SLC49A4: variants seen among roughly 807,000 people sequenced by gnomAD.
SLC49A4 encodes disrupted in renal cancer protein 2.
Under a neutral mutation model 50.6 loss-of-function variants are expected in SLC49A4, and 36 were observed. That is an observed-to-expected ratio of 0.71 (90% CI 0.55 to 0.94). The LOEUF (loss-of-function observed/expected upper bound fraction) is 0.94. SLC49A4 is among the 40% of genes least tolerant of loss of function. The pLI is 0.00. For synonymous variants in SLC49A4, 248 were observed against 241.2 expected (o/e 1.03, Z -0.26); for missense variants, 503 against 605.7 (o/e 0.83, Z 1.78).
chr3:122,833,094 A>G (rs1471629919), intron 3 of SLC49A4, among the ~76,000 whole-genome samples: 1 of 152,078 alleles, frequency 6.6e-6, no homozygotes, highest in Admixed American at 6.6e-5. Context: ...AATAAAAATT[A>G]GCCTGGTATG....
chr3:122,801,729 G>T (rs1233215122), intron 1 of SLC49A4, among the ~76,000 whole-genome samples: 1 of 152,198 alleles, frequency 6.6e-6, no homozygotes, highest in Admixed American at 6.5e-5. Context: ...TCAGAGATCT[G>T]AGAGACCAGC....
At chr3:122,836,594 G>A (rs1177626619) in intron 4 of SLC49A4, among the ~76,000 whole-genome samples, 1 of 152,102 alleles carries the variant, frequency 6.6e-6, no homozygotes, top group East Asian at 1.9e-4. Context: ...TTGAACCTCT[G>A]GTAGAATTCG....
chr3:122,846,894 C>T (rs556986102), intron 5 of SLC49A4, among the ~76,000 whole-genome samples: 1 of 152,240 alleles, frequency 6.6e-6, no homozygotes, highest in Admixed American at 6.5e-5. Context: ...GAAGAGGGCT[C>T]CCCAGAGGAC....
intron 4 of SLC49A4, among the ~76,000 whole-genome samples, chr3:122,843,397 T>TC (rs1454534428): frequency 3.9e-5 from 6 of 152,310 alleles, no homozygotes; most frequent in African/African-American, 1.4e-4. Context: ...AGATGACAAC[T>TC]CCATTTCATC....
intron 3 of SLC49A4, among the ~76,000 whole-genome samples, chr3:122,829,334 A>G (rs764082699): frequency 1.3e-5 from 2 of 152,254 alleles, no homozygotes; most frequent in Non-Finnish European, 2.9e-5. Flanking sequence ...GGGAAAAAAC[A>G]TGATCATCTT....
At chr3:122,839,242 T>C (rs1356057546) in intron 4 of SLC49A4, among the ~76,000 whole-genome samples, 1 of 151,898 alleles carries the variant, frequency 6.6e-6, no homozygotes, top group Non-Finnish European at 1.5e-5. Flanking sequence ...AAAAATAAAC[T>C]CAAGATGCAT....
intron 7 of SLC49A4, among the ~76,000 whole-genome samples, chr3:122,864,245 G>T (rs999583435): frequency 6.6e-6 from 1 of 152,122 alleles, no homozygotes; most frequent in Non-Finnish European, 1.5e-5. Context: ...ATTTAAAATT[G>T]CATTATGTCT....
intron 4 of SLC49A4, among the ~76,000 whole-genome samples, chr3:122,843,594 A>T (rs74383722): frequency 6.6e-6 from 1 of 152,186 alleles, no homozygotes; most frequent in East Asian, 1.9e-4. Context: ...CACACATTGC[A>T]ATTGGTCCAA....
rs377194892 is a variant in SLC49A4 at position 122,795,155 on chromosome 3, A to C, written c.-38A>C. 2.3e-4 allele frequency: 302 copies of C among 1,307,910 alleles called. 2 individuals carry two copies. The South Asian group carries it at 2.8e-3, about 12-fold the overall frequency. The allele number at this position is 1,307,910 out of a possible 1,614,324, so 81.0% of individuals were successfully genotyped here. ...GCTGGGCTAGTCGGCGGTGACCCGG[A>C]CTGCGCCCGGCAGTGGCTTCGCGGG... On this transcript the variant is annotated 5_prime_UTR_variant, in exon 1 of 9. Coordinates refer to ENST00000261038, the MANE Select transcript of SLC49A4 (RefSeq NM_032839.3).
intron 4 of SLC49A4, among the ~76,000 whole-genome samples, 166 bp downstream of exon 4, chr3:122,833,612 A>G (rs1936637071): frequency 6.6e-6 from 1 of 152,226 alleles, no homozygotes; most frequent in South Asian, 2.1e-4. Flanking sequence ...CCAGAAATCT[A>G]TCTTGAAAAA....
intron 7 of SLC49A4, among the ~76,000 whole-genome samples, chr3:122,871,805 G>A (rs1937199812): frequency 6.6e-6 from 1 of 151,984 alleles, no homozygotes; most frequent in Non-Finnish European, 1.5e-5. Context: ...GACTTTTTAT[G>A]GTTTGATTGG....
At chr3:122,817,049 T>A (rs893852065) in intron 2 of SLC49A4, among the ~76,000 whole-genome samples, 2 of 152,244 alleles carry the variant, frequency 1.3e-5, no homozygotes, top group Non-Finnish European at 1.5e-5. Flanking sequence ...AAGACCATTT[T>A]GTATCCTCAT....
At chr3:122,829,137 T>C (rs1936577314) in intron 3 of SLC49A4, among the ~76,000 whole-genome samples, 2 of 152,204 alleles carry the variant, frequency 1.3e-5, no homozygotes, top group South Asian at 4.1e-4. Flanking sequence ...AAAAGTAAAC[T>C]ACAGATCCAA....
Position 122,860,141 on chromosome 3 carries a change from G to A in SLC49A4, c.1077G>A (p.Leu359=), listed in dbSNP as rs761796120. The stretch of plus-strand genomic sequence containing the variant: ...TCCTCCTGTTTTCGGGAGCTACACT[G>A]TCATCCACGTGGTTCACCCTGACCT... ...ILLLLFSGAT[L]SSTWFTLTCL... is the part of the protein sequence containing the mutation. Residue 359 remains leucine (L), a synonymous_variant, in exon 7 of 9, where the codon CTG becomes CTA. Coordinates refer to ENST00000261038, the MANE Select transcript of SLC49A4 (RefSeq NM_032839.3). The A allele has an allele frequency of 6.2e-7, 1 of 1,613,308 alleles. No homozygotes were observed. Among genetic ancestry groups the A allele is most frequent in the African/African-American group, 1.3e-5 (1 of 74,876 alleles).
chr3:122,843,536 A>G (rs1936804439), intron 4 of SLC49A4, among the ~76,000 whole-genome samples: 1 of 152,252 alleles, frequency 6.6e-6, no homozygotes, highest in Admixed American at 6.5e-5. Flanking sequence ...ATTTTCAATT[A>G]TCTCATAAAC....
At chr3:122,804,124 C>T (rs1381124458) in intron 1 of SLC49A4, among the ~76,000 whole-genome samples, 1 of 152,214 alleles carries the variant, frequency 6.6e-6, no homozygotes, top group Admixed American at 6.5e-5. Flanking sequence ...GGCATTCACT[C>T]ATCATCCAGG....
In SLC49A4 at chr3:122,847,657, T is replaced by TA. The variant is rs1232790844; in HGVS notation, c.942+1794dup. Among the ~76,000 whole-genome samples, 11 of 151,784 alleles carry TA rather than the reference T, an allele frequency of 7.2e-5. No individual in the cohort carries two copies. The East Asian group carries it at 1.5e-3, about 21-fold the overall frequency. Reference sequence around the variant, plus strand: ...ACCATGCCTGGCCCAGTATACAATTTAAAAAAAAGTGCATTAAACATGTAA... The same window carrying TA: ...ACCATGCCTGGCCCAGTATACAATTTAAAAAAAAAGTGCATTAAACATGTAA... On this transcript the variant is annotated intron_variant, in intron 5 of 8. Transcript: ENST00000261038.
In SLC49A4 at chr3:122,840,548, A is replaced by G. The variant is rs943867598; in HGVS notation, c.834-5215A>G. ...AATGAGTAAAATCAATTTTAGTAGC[A>G]TATTGTTTAACCAAGCATATCTAAA... On this transcript the variant is annotated intron_variant, in intron 4 of 8. Coordinates refer to ENST00000261038, the MANE Select transcript of SLC49A4 (RefSeq NM_032839.3). 2.0e-5 allele frequency among the ~76,000 whole-genome samples: 3 copies of G among 152,206 alleles called. No homozygotes were observed. The South Asian group carries it at 6.2e-4, about 31-fold the overall frequency.
At chr3:122,827,166 A>G in intron 3 of SLC49A4, 101 bp downstream of exon 3, 2 of 1,296,924 alleles carry the variant, frequency 1.5e-6, no homozygotes, top group Non-Finnish European at 2.1e-6. Flanking sequence ...GAAATACTTG[A>G]GAGGACTAAT....
Sources: allele counts gnomAD v4.1 joint callset (sites outside exome capture counted in the v4.1 genomes callset), GRCh38; gene constraint gnomAD v4.1.1; transcripts MANE v1.5; gene names NCBI Gene and HGNC (gene_info 2026-07-23, HGNC 2026-07-21).